Variants in SMPD3 observed in about 807,000 individuals in gnomAD.
SMPD3 encodes the protein sphingomyelin phosphodiesterase 3.
SMPD3 carries 21 observed loss-of-function variants against 55.7 expected under a neutral mutation model. The observed-to-expected ratio is 0.38, with a 90% confidence interval of 0.27 to 0.54. The LOEUF (loss-of-function observed/expected upper bound fraction) is 0.54. Ranked by LOEUF, SMPD3 falls within the 20% of genes least tolerant of loss-of-function variation. The pLI is 0.80. For missense variants in SMPD3, 842 were observed against 899.6 expected (o/e 0.94, Z 0.82); for synonymous variants, 457 against 404.3 (o/e 1.13, Z -1.56).
At chr16:68,367,435 CGTGCGCTGCT>C (rs56090907) in intron 3 of SMPD3, 110,393 of 151,664 alleles carry the variant, frequency 0.73, 40,976 homozygotes, top group African/African-American at 0.87. Flanking sequence ...ATCTGTTTGT[CGTGCGCTGCT>C]GTGCGCTGCT....
At chr16:68,375,943 G>C (rs767326675) in intron 2 of SMPD3, among the ~76,000 whole-genome samples, 1 of 151,994 alleles carries the variant, frequency 6.6e-6, no homozygotes, top group Non-Finnish European at 1.5e-5. Context: ...ATAGCCCCTC[G>C]CCAGCTTCCC....
chr16:68,361,709 C>G lies in SMPD3; in HGVS notation c.1760G>C (p.Ser587Thr). The G allele has an allele frequency of 1.2e-6, 2 of 1,613,136 alleles. No individual in the cohort carries two copies. Among genetic ancestry groups the G allele is most frequent in the Non-Finnish European group, 1.7e-6 (2 of 1,179,972 alleles). ...GRREYLAFPTSKSSGQKGRKE... is the reference protein window; with the variant it reads ...GRREYLAFPTTKSSGQKGRKE... ...CCGCCCCTTCTGGCCCGAGCTCTTG[C>G]TGGTGGGAAACGCCAGGTACTCCCT... The change falls in exon 8 of 9, where the codon AGC becomes ACC. Residue 587 changes from serine (S) to threonine (T), a missense_variant. Ser to Thr is a moderately conservative substitution (Grantham distance 58). Around this residue, in one of 2 missense-constraint regions of SMPD3, gnomAD observed 649 missense variants for 643.6 expected, o/e 1.01. Coordinates refer to ENST00000219334, the MANE Select transcript of SMPD3 (RefSeq NM_018667.4).
intron 8 of SMPD3, 69 bp downstream of exon 8, chr16:68,361,534 C>T (rs983854667): frequency 3.4e-5 from 54 of 1,575,980 alleles, no homozygotes; most frequent in Admixed American, 5.2e-5. Context: ...GAGCGGCTGT[C>T]GAGAGCTGCA....
intron 1 of SMPD3, among the ~76,000 whole-genome samples, chr16:68,420,450 A>C (rs1056659324): frequency 6.6e-6 from 1 of 152,202 alleles, no homozygotes; most frequent in Non-Finnish European, 1.5e-5. Context: ...CCCTCTGGCT[A>C]GGCTAATAGC....
chr16:68,403,509 T>C (rs1472242828), intron 1 of SMPD3, among the ~76,000 whole-genome samples: 5 of 152,254 alleles, frequency 3.3e-5, no homozygotes, highest in Non-Finnish European at 2.9e-5. Flanking sequence ...AGAAGGCTAC[T>C]TCTTGATGTC....
At chr16:68,422,459 A>G (rs1468986439) in intron 1 of SMPD3, among the ~76,000 whole-genome samples, 1 of 152,194 alleles carries the variant, frequency 6.6e-6, no homozygotes, top group Non-Finnish European at 1.5e-5. Flanking sequence ...AAGCTGGAAG[A>G]ATGTGCAGGA....
At chr16:68,402,007 T>C (rs946809881) in intron 1 of SMPD3, among the ~76,000 whole-genome samples, 1 of 152,040 alleles carries the variant, frequency 6.6e-6, no homozygotes, top group African/African-American at 2.4e-5. Flanking sequence ...TTCTACGGAA[T>C]CCTACCCAGG....
chr16:68,375,625 G>C (rs1331917952), intron 2 of SMPD3, among the ~76,000 whole-genome samples: 1 of 149,144 alleles, frequency 6.7e-6, no homozygotes, highest in African/African-American at 2.5e-5. Flanking sequence ...GTAGAGGAGA[G>C]AGACTCTCTC....
chr16:68,424,017 G>A (rs986496569), intron 1 of SMPD3, among the ~76,000 whole-genome samples: 12 of 151,660 alleles, frequency 7.9e-5, no homozygotes, highest in South Asian at 2.1e-4. Flanking sequence ...GCCTGGGGAC[G>A]TCACCTGCCC....
intron 1 of SMPD3, among the ~76,000 whole-genome samples, chr16:68,430,788 C>T (rs1034504003): frequency 1.3e-5 from 2 of 152,276 alleles, no homozygotes; most frequent in Non-Finnish European, 2.9e-5. Context: ...ATGGCTGAAC[C>T]GGGACACTCT....
rs575588012 is a variant in SMPD3, at chr16:68,359,686, C to T, written c.*1520G>A. The T allele has an allele frequency of 6.5e-6, 1 of 152,764 alleles. No homozygotes were observed. Among genetic ancestry groups the T allele is most frequent in the Admixed American group, 6.5e-5 (1 of 15,312 alleles). The allele number at this position is 152,764 out of a possible 1,614,324, so 9.5% of individuals were successfully genotyped here. A position where few individuals can be genotyped will look rare whatever the true frequency, so the allele number is the denominator to read the frequency against. ...CAGGCAAAGCCGGCCCTGGGCCAGG[C>T]TGGGTGTAGGGCCAGGGCGCCACGA... is the stretch of plus-strand genomic sequence containing the variant. On this transcript the variant is annotated 3_prime_UTR_variant, in exon 9 of 9. Coordinates refer to ENST00000219334, the MANE Select transcript of SMPD3 (RefSeq NM_018667.4).
At chr16:68,386,850 T>A (rs1458380405) in intron 1 of SMPD3, among the ~76,000 whole-genome samples, 191 bp from the exon 2 acceptor site, 1 of 152,050 alleles carries the variant, frequency 6.6e-6, no homozygotes, top group Non-Finnish European at 1.5e-5. Context: ...GTGGACGAAG[T>A]GCAGTCCCAG....
chr16:68,372,032 G>A lies in SMPD3; in HGVS notation c.150C>T (p.Asp50=), dbSNP rs372356402. The A allele has an allele frequency of 3.3e-5, 53 of 1,610,454 alleles. No individual in the cohort carries two copies. In the African/African-American group the frequency reaches 3.7e-4, roughly 11 times the overall value. The change falls in exon 3 of 9, where the codon GAC becomes GAT. Residue 50 remains aspartate (D), a synonymous_variant. Coordinates refer to ENST00000219334, the MANE Select transcript of SMPD3 (RefSeq NM_018667.4). ...AGAGCAGCTGCAGGCAGCACGGGTCGTCTGCCCGCTGGCGCTTCTCGTAGG... is the reference window on the plus strand; with the variant it reads ...AGAGCAGCTGCAGGCAGCACGGGTCATCTGCCCGCTGGCGCTTCTCGTAGG... The part of the protein sequence containing the change: ...PTTYEKRQRA[D]DPCCLQLLCT...
chr16:68,364,521 CAG>C (rs1442400885), intron 5 of SMPD3: 8 of 538,640 alleles, frequency 1.5e-5, no homozygotes, highest in Non-Finnish European at 2.2e-5. Context: ...CCTTCCTTGT[CAG>C]AGGTTCGTTT....
chr16:68,403,065 C>T (rs2090225278), intron 1 of SMPD3, among the ~76,000 whole-genome samples: 3 of 152,238 alleles, frequency 2.0e-5, no homozygotes, highest in Admixed American at 1.3e-4. Flanking sequence ...TTTGTTCCTA[C>T]AGTAACGCTC....
chr16:68,360,904 G>A lies in SMPD3; in HGVS notation c.*302C>T, dbSNP rs904868808. The A allele has an allele frequency of 1.6e-5, 6 of 380,912 alleles. No individual in the cohort carries two copies. Among genetic ancestry groups the A allele is most frequent in the East Asian group, 1.0e-4 (2 of 19,216 alleles). The allele number at this position is 380,912 out of a possible 1,614,324, so 23.6% of individuals were successfully genotyped here. A position where few individuals can be genotyped will look rare whatever the true frequency, so the allele number is the denominator to read the frequency against. On this transcript the variant is annotated 3_prime_UTR_variant, in exon 9 of 9. Coordinates refer to ENST00000219334, the MANE Select transcript of SMPD3 (RefSeq NM_018667.4). The stretch of plus-strand genomic sequence containing the variant: ...GGAGATACAGAGAGTACACGAACCC[G>A]GTCCTCATACTAACCCACGGGTTAC...
chr16:68,396,047 C>T (rs1278783530), intron 1 of SMPD3, among the ~76,000 whole-genome samples: 2 of 152,118 alleles, frequency 1.3e-5, no homozygotes, highest in Non-Finnish European at 2.9e-5. Context: ...TCTACTCTGT[C>T]CTTGGCCCCT....
At chr16:68,417,797 C>T (rs562034548) in intron 1 of SMPD3, among the ~76,000 whole-genome samples, 16 of 152,238 alleles carry the variant, frequency 1.1e-4, no homozygotes, top group African/African-American at 2.9e-4. Flanking sequence ...TCAAACCCTG[C>T]GTGGAATGAA....
chr16:68,363,931 C>A, intron 5 of SMPD3, 65 bp from the exon 6 acceptor site: 6 of 1,414,030 alleles, frequency 4.2e-6, no homozygotes, highest in Non-Finnish European at 5.8e-6. Context: ...GGCCTGTGCC[C>A]CTGCTTCCCA....
Sources: gnomAD v4.1 joint callset for allele counts (sites outside exome capture counted in the v4.1 genomes callset) on GRCh38, gnomAD v4.1.1 for gene constraint, gnomAD v4.1.1 regional missense constraint, MANE v1.5 for transcripts, NCBI Gene and HGNC (gene_info 2026-07-23, HGNC 2026-07-21) for gene names.